The following BMPER variants were observed in gnomAD, a reference collection of about 807,000 sequenced individuals.
BMPER encodes the protein BMP-binding endothelial regulator protein.
Under a neutral mutation model 87.3 loss-of-function variants are expected in BMPER, and 45 were observed. The ratio of observed to expected loss-of-function variants is 0.52; its 90% CI spans 0.41 to 0.66. The LOEUF (loss-of-function observed/expected upper bound fraction) is 0.66. Ranked by LOEUF, BMPER falls within the 30% of genes least tolerant of loss-of-function variation. BMPER has a pLI of 0.00. For missense variants in BMPER, 784 were observed against 867.5 expected (o/e 0.90, Z 1.21); for synonymous variants, 326 against 316.2 (o/e 1.03, Z -0.33).
At chr7:33,994,590 TC>T (rs1786346726) in intron 6 of BMPER, among the ~76,000 whole-genome samples, 1 of 152,228 alleles carries the variant, frequency 6.6e-6, no homozygotes, top group Non-Finnish European at 1.5e-5. Flanking sequence ...TCTGCGTCAC[TC>T]ACGCTGGGAG....
intron 2 of BMPER, among the ~76,000 whole-genome samples, chr7:33,920,627 T>A (rs1210520022): frequency 6.6e-6 from 1 of 151,908 alleles, no homozygotes; most frequent in East Asian, 1.9e-4. Flanking sequence ...GGTTCCACCA[T>A]GTTGGTCAGG....
intron 6 of BMPER, among the ~76,000 whole-genome samples, chr7:34,023,964 C>T (rs904631851): frequency 1.3e-5 from 2 of 151,788 alleles, no homozygotes; most frequent in Non-Finnish European, 2.9e-5. Context: ...AAAAAAACAG[C>T]CTCCCTTGAT....
intron 2 of BMPER, among the ~76,000 whole-genome samples, chr7:33,922,342 T>C (rs932651452): frequency 6.6e-6 from 1 of 152,220 alleles, no homozygotes; most frequent in Non-Finnish European, 1.5e-5. Context: ...TGTGTCTAGT[T>C]TTTCTGTCTC....
chr7:34,102,996 G>GA (rs777967450), intron 13 of BMPER, among the ~76,000 whole-genome samples: 29 of 151,908 alleles, frequency 1.9e-4, no homozygotes, highest in Middle Eastern at 3.4e-3. Context: ...CTCAAATTTG[G>GA]AAAAAAATGC....
At chr7:34,078,191 G>A (rs148780695) in intron 11 of BMPER, among the ~76,000 whole-genome samples, 107 of 152,110 alleles carry the variant, frequency 7.0e-4, no homozygotes, top group African/African-American at 2.3e-3. Context: ...ATTATATTTC[G>A]TAACTTATTT....
At chr7:33,987,188 T>A (rs1014581652) in intron 6 of BMPER, among the ~76,000 whole-genome samples, 1 of 152,220 alleles carries the variant, frequency 6.6e-6, no homozygotes, top group Non-Finnish European at 1.5e-5. Context: ...TTACACATTC[T>A]GGCACCTTTT....
chr7:34,082,491 G>A (rs1027849096), intron 12 of BMPER, among the ~76,000 whole-genome samples: 1 of 152,116 alleles, frequency 6.6e-6, no homozygotes, highest in Non-Finnish European at 1.5e-5. Context: ...GCAAAGCCTA[G>A]CATTGGTCTG....
intron 13 of BMPER, among the ~76,000 whole-genome samples, chr7:34,096,381 C>A (rs1789531824): frequency 6.6e-6 from 1 of 152,164 alleles, no homozygotes; most frequent in Non-Finnish European, 1.5e-5. Context: ...GTTTTGGGAG[C>A]AGTATCAGGG....
rs1282551061 is a variant in BMPER at position 34,155,768 on chromosome 7, A to G, written c.*2495A>G. On this transcript the variant is annotated 3_prime_UTR_variant, in exon 15 of 15. Transcript: ENST00000649409. ...CAATGAGGATTTACCAAGTGCTTCAATGAGAGCAGTCCTGTTTCATTCACA... is the reference window on the plus strand; with the variant it reads ...CAATGAGGATTTACCAAGTGCTTCAGTGAGAGCAGTCCTGTTTCATTCACA... 1 of 152,210 alleles carries G rather than the reference A, an allele frequency of 6.6e-6. No individual in the cohort carries two copies. Among genetic ancestry groups the G allele is most frequent in the Non-Finnish European group, 1.5e-5 (1 of 68,042 alleles). The allele number at this position is 152,210 out of a possible 1,614,324, so 9.4% of individuals were successfully genotyped here. A position where few individuals can be genotyped will look rare whatever the true frequency, so the allele number is the denominator to read the frequency against.
intron 6 of BMPER, among the ~76,000 whole-genome samples, chr7:33,985,998 A>G (rs965969902): frequency 5.3e-5 from 8 of 152,198 alleles, no homozygotes; most frequent in Non-Finnish European, 1.0e-4. Context: ...AAAAAATAGA[A>G]AAGTGAGTCA....
At chr7:33,990,685 T>C (rs1305703180) in intron 6 of BMPER, among the ~76,000 whole-genome samples, 2 of 147,218 alleles carry the variant, frequency 1.4e-5, no homozygotes, top group Non-Finnish European at 3.0e-5. Flanking sequence ...GGCATCCCTG[T>C]CTTGTGCCAG....
At chr7:33,970,482 T>G (rs114158699) in intron 5 of BMPER, 63 bp downstream of exon 5, 1 of 1,511,344 alleles carries the variant, frequency 6.6e-7, no homozygotes, top group African/African-American at 1.4e-5. Context: ...TGCATGAATC[T>G]CCCAACCCCT....
intron 4 of BMPER, 110 bp from the exon 5 acceptor site, chr7:33,970,219 A>G (rs1024812424): frequency 5.4e-6 from 6 of 1,101,124 alleles, no homozygotes; most frequent in Non-Finnish European, 7.0e-6. Context: ...ACACCCACCA[A>G]ACCTTGTGGT....
At chr7:34,097,519 T>C (rs1158110290) in intron 13 of BMPER, among the ~76,000 whole-genome samples, 1 of 152,132 alleles carries the variant, frequency 6.6e-6, no homozygotes, top group Non-Finnish European at 1.5e-5. Context: ...CTCAAGTAGT[T>C]TGTTATACCT....
intron 5 of BMPER, among the ~76,000 whole-genome samples, chr7:33,972,548 A>C (rs1300420089): frequency 6.6e-6 from 1 of 152,124 alleles, no homozygotes; most frequent in Non-Finnish European, 1.5e-5. Flanking sequence ...ATACACAAGA[A>C]GAAACTAGGC....
intron 13 of BMPER, among the ~76,000 whole-genome samples, chr7:34,106,942 G>A (rs1209374027): frequency 2.0e-5 from 3 of 152,148 alleles, no homozygotes; most frequent in Middle Eastern, 3.4e-3. Context: ...ATGTTTGTGC[G>A]GTCTTTCCTA....
chr7:33,949,130 T>C (rs1784959173), intron 3 of BMPER, among the ~76,000 whole-genome samples: 1 of 152,132 alleles, frequency 6.6e-6, no homozygotes, highest in Non-Finnish European at 1.5e-5. Flanking sequence ...GTCCTTTATC[T>C]GGGAACCCTC....
rs376701286 is a variant in BMPER, at chr7:34,078,933, G to A, written c.1155G>A (p.Thr385=). Residue 385 remains threonine (T), a synonymous_variant, in exon 12 of 15, where the codon ACG becomes ACA. Transcript: ENST00000649409. ...GTCGGACATTTAACTTTCAGGGGAC[G>A]TGTCAGTACGTTTTGACAAAAGACT... ...FDGRTFNFQG[T]CQYVLTKDCS... 1.9e-6 allele frequency: 3 copies of A among 1,614,050 alleles called. No homozygotes were observed. Among genetic ancestry groups the A allele is most frequent in the Admixed American group, 1.7e-5 (1 of 59,998 alleles).
intron 2 of BMPER, among the ~76,000 whole-genome samples, chr7:33,936,350 C>A (rs953293451): frequency 3.3e-5 from 5 of 152,026 alleles, no homozygotes; most frequent in African/African-American, 1.2e-4. Flanking sequence ...ACATTTATAT[C>A]TTCATCTCGA....
Sources: allele counts gnomAD v4.1 joint callset (sites outside exome capture counted in the v4.1 genomes callset), GRCh38; gene constraint gnomAD v4.1.1; transcripts MANE v1.5; gene names NCBI Gene and HGNC (gene_info 2026-07-23, HGNC 2026-07-21).